The following FARSA variants were observed in gnomAD, a reference collection of about 807,000 sequenced individuals.
FARSA encodes phenylalanine--tRNA ligase alpha subunit.
FARSA carries 37 observed loss-of-function variants against 63.2 expected under a neutral mutation model. The observed-to-expected ratio is 0.59, with a 90% CI of 0.45 to 0.77. The LOEUF (loss-of-function observed/expected upper bound fraction) is 0.77. Ranked by LOEUF, FARSA falls within the 30% of genes least tolerant of loss-of-function variation. The pLI is 0.00. For missense variants in FARSA, 618 were observed against 696.6 expected (o/e 0.89, Z 1.27); for synonymous variants, 312 against 285.1 (o/e 1.09, Z -0.95).
At position 12,928,743 on chromosome 19, in the gene FARSA, GT is replaced by G; in HGVS notation, c.596+11del. ...AGCTCCCACCTGCCCTGACCCTGGG[GT>G]TGCCTGCTACCTGGAGATCATCTCT... On this transcript the variant is annotated intron_variant, in intron 5 of 12. Coordinates refer to ENST00000314606, the MANE Select transcript of FARSA (RefSeq NM_004461.3). The G allele has an allele frequency of 6.2e-7, 1 of 1,614,158 alleles. No homozygotes were observed. The highest frequency in any genetic ancestry group is 1.1e-5 in the South Asian group (1 of 91,088).
Position 12,924,882 on chromosome 19 carries a change from C to G in FARSA, c.1026+22G>C, listed in dbSNP as rs543097283. 6.2e-7 allele frequency: 1 copy of G among 1,613,908 alleles called. No homozygotes were observed. The highest frequency in any genetic ancestry group is 1.7e-5 in the Admixed American group (1 of 60,024). On this transcript the variant is annotated intron_variant, in intron 9 of 12. Transcript: ENST00000314606. This position sits in a 1 kb window ranked among gnomAD's most constrained non-coding sequence, Gnocchi z 6.4. ...TGACAGCACCCTCTCCCCACTGGGG[C>G]CCCCGCCTGGGCCAACCGCACCTTC...
Position 12,924,623 on chromosome 19 carries a change from C to G in FARSA, c.1195+16G>C. 1 of 1,608,940 alleles carries G rather than the reference C, an allele frequency of 6.2e-7. No homozygotes were observed. The highest frequency in any genetic ancestry group is 8.5e-7 in the Non-Finnish European group (1 of 1,177,064). Reference sequence around the variant, plus strand: ...GCTGCCTCACCACCATGGCCCACCCCTGCCCCCCTGCTCACCCAGCTTGGT... The same window carrying G: ...GCTGCCTCACCACCATGGCCCACCCGTGCCCCCCTGCTCACCCAGCTTGGT... On this transcript the variant is annotated intron_variant, in intron 10 of 12. Coordinates refer to ENST00000314606, the MANE Select transcript of FARSA (RefSeq NM_004461.3). This position sits in a 1 kb window ranked among gnomAD's most constrained non-coding sequence, Gnocchi z 6.4.
intron 4 of FARSA, 31 bp from the exon 5 acceptor site, chr19:12,928,878 T>A: frequency 6.3e-7 from 1 of 1,594,460 alleles, no homozygotes; most frequent in Non-Finnish European, 8.6e-7. Context: ...GGGACGCCAC[T>A]GCCATCTCCT....
chr19:12,925,992 G>A (rs1433350020), intron 7 of FARSA, among the ~76,000 whole-genome samples: 4 of 144,816 alleles, frequency 2.8e-5, no homozygotes, highest in South Asian at 2.2e-4. Context: ...TTTTTGAGAC[G>A]GAGTCTCGCT....
At chr19:12,932,035 A>C (rs920032452) in intron 1 of FARSA, among the ~76,000 whole-genome samples, 1 of 129,762 alleles carries the variant, frequency 7.7e-6, no homozygotes, top group Non-Finnish European at 1.7e-5. Context: ...ACACTGCATA[A>C]ATTTTTTTTT....
chr19:12,928,452 G>A lies in FARSA; in HGVS notation c.731C>T (p.Thr244Ile). ...FRQIFLEMGF[T>I]EMPTDNFIES... Reference sequence around the variant, plus strand: ...AATGAAGTTATCAGTCGGCATCTCGGTGAACCTGGTGGGAGACACAGCCTG... The same window carrying A: ...AATGAAGTTATCAGTCGGCATCTCGATGAACCTGGTGGGAGACACAGCCTG... The change falls in exon 7 of 13, where the codon ACC (threonine) becomes ATC (isoleucine). Residue 244 changes from threonine (T) to isoleucine (I), a missense_variant. Thr to Ile is a moderately conservative substitution (Grantham distance 89). Coordinates refer to ENST00000314606, the MANE Select transcript of FARSA (RefSeq NM_004461.3). 6.2e-7 allele frequency: 1 copy of A among 1,614,108 alleles called. No individual in the cohort carries two copies. The highest frequency in any genetic ancestry group is 8.5e-7 in the Non-Finnish European group (1 of 1,179,990).
Position 12,922,981 on chromosome 19 carries a change from C to T in FARSA, c.1389-95G>A. 3 of 1,555,446 alleles carry T rather than the reference C, an allele frequency of 1.9e-6. No individual in the cohort carries two copies. The Admixed American group carries it at 5.1e-5, about 26-fold the overall frequency. On this transcript the variant is annotated intron_variant, in intron 12 of 12. Transcript: ENST00000314606. The stretch of plus-strand genomic sequence containing the variant: ...TCCCATCTTCTTCAGAGGAAAAGTT[C>T]AAGTTCTCCCCATGACCCACAGGGC...
rs201598580 is a variant in FARSA, at chr19:12,924,138, C to G, written c.1388+13G>C. ...GGCAGCTGGACACCCCGAGTTTCCA[C>G]TTGGGCACTTACCGCTCCAGGGAGA... On this transcript the variant is annotated intron_variant, in intron 12 of 12. Coordinates refer to ENST00000314606, the MANE Select transcript of FARSA (RefSeq NM_004461.3). The surrounding 1 kb of genome is among the most constrained non-coding windows in gnomAD (Gnocchi z 6.4). 1.2e-5 allele frequency: 19 copies of G among 1,610,150 alleles called. No homozygotes were observed. In the African/African-American group the frequency reaches 2.5e-4, roughly 21 times the overall value.
rs764916782 is a variant in FARSA at position 12,930,526 on chromosome 19, C to T, written c.287G>A (p.Arg96Gln). The change falls in exon 3 of 13, where the codon CGA becomes CAA. Residue 96 changes from arginine (R) to glutamine (Q), a missense_variant and splice_region_variant. Arg to Gln is a conservative substitution (Grantham distance 43, BLOSUM62 1). Transcript: ENST00000314606. ...PEGLAQSELM[R>Q]LPSGKVGFSK... ...GAAGCCCACTTTGCCACTGGGCAGT[C>T]GCTGGAAAAGAGAGGCTGCAGTGAG... 7 of 1,613,326 alleles carry T rather than the reference C, an allele frequency of 4.3e-6. No homozygotes were observed. In the South Asian group the frequency reaches 4.4e-5, roughly 10 times the overall value.
Position 12,928,403 on chromosome 19 carries a change from G to T in FARSA, c.780C>A (p.Asp260Glu), listed in dbSNP as rs143258144. Residue 260 changes from aspartate to glutamate, a missense_variant, in exon 7 of 13, where the codon GAC becomes GAA. Asp to Glu is a conservative substitution (Grantham distance 45). Transcript: ENST00000314606. ...NFIESSFWNFDALFQPQQHPA... is the reference protein window; with the variant it reads ...NFIESSFWNFEALFQPQQHPA... ...GGTGCTGCTGGGGCTGGAAGAGGGC[G>T]TCAAAGTTCCAGAAGGAGCTCTCAA... The T allele has an allele frequency of 1.9e-6, 3 of 1,614,020 alleles. No homozygotes were observed. The highest frequency in any genetic ancestry group is 2.5e-6 in the Non-Finnish European group (3 of 1,180,030).
In FARSA at chr19:12,922,927, G is replaced by A. The variant is rs147472504; in HGVS notation, c.1389-41C>T. The A allele has an allele frequency of 8.2e-5, 132 of 1,613,122 alleles. 1 individual carries two copies. The highest frequency in any genetic ancestry group is 8.0e-4 in the African/African-American group (60 of 74,998). On this transcript the variant is annotated intron_variant, in intron 12 of 12. Transcript: ENST00000314606. ...ACAGAGTTTATCATGAGGTCAGCAC[G>A]TGCACCCTTCTGCTCAGATTTCCAT...
chr19:12,922,869 T>C lies in FARSA; in HGVS notation c.1406A>G (p.Tyr469Cys), dbSNP rs767777027. ...LSLERPTMIKYGINNIRELVG... is the reference protein window; with the variant it reads ...LSLERPTMIKCGINNIRELVG... Reference sequence around the variant, plus strand: ...CAGCTCCCGGATATTGTTGATGCCATATTTGATCATCGTTGGGCTTGTGGG... The same window carrying C: ...CAGCTCCCGGATATTGTTGATGCCACATTTGATCATCGTTGGGCTTGTGGG... Residue 469 changes from tyrosine (Y) to cysteine (C), a missense_variant, in exon 13 of 13, where the codon TAT becomes TGT. Tyr to Cys is a radical substitution (Grantham distance 194). Coordinates refer to ENST00000314606, the MANE Select transcript of FARSA (RefSeq NM_004461.3). 6.0e-5 allele frequency: 97 copies of C among 1,613,992 alleles called. No homozygotes were observed. Among genetic ancestry groups the C allele is most frequent in the Non-Finnish European group, 7.9e-5 (93 of 1,180,032 alleles).
intron 7 of FARSA, among the ~76,000 whole-genome samples, chr19:12,925,626 G>A (rs1044307735): frequency 6.6e-6 from 1 of 151,998 alleles, no homozygotes; most frequent in Admixed American, 6.6e-5. Context: ...CCAGTGTTGG[G>A]ATTACAGGCA....
chr19:12,925,573 G>A (rs1265410927), intron 7 of FARSA, among the ~76,000 whole-genome samples: 4 of 151,782 alleles, frequency 2.6e-5, no homozygotes, highest in African/African-American at 9.7e-5. Context: ...GGTCAGGGTG[G>A]TCTCGAACTC....
rs1381552335 is a variant in FARSA, at chr19:12,933,690, C to G, written c.7G>C (p.Asp3His). MA[D>H]GQVAELLLRR... is the part of the protein sequence containing the mutation. ...AGCAGCAGTTCCGCCACCTGACCAT[C>G]CGCCATGACTCCTTCCAGTGTGCTC... The change falls in exon 1 of 13, where the codon GAT becomes CAT. Residue 3 changes from aspartate (D) to histidine (H), a missense_variant. Coordinates refer to ENST00000314606, the MANE Select transcript of FARSA (RefSeq NM_004461.3). 12 of 1,569,556 alleles carry G rather than the reference C, an allele frequency of 7.6e-6. No homozygotes were observed. In the East Asian group the frequency reaches 2.1e-4, roughly 28 times the overall value.
chr19:12,930,294 C>T lies in FARSA; in HGVS notation c.432G>A (p.Arg144=). Residue 144 remains arginine, a synonymous_variant, in exon 4 of 13, where the codon CGG becomes CGA. Coordinates refer to ENST00000314606, the MANE Select transcript of FARSA (RefSeq NM_004461.3). ...DEVQRRLQLV[R]GGQAEKLGEK... Reference sequence around the variant, plus strand: ...CCCCCAGCTTCTCAGCCTGTCCCCCCCGGACCAGCTGGAGCCGCCGCTGCA... The same window carrying T: ...CCCCCAGCTTCTCAGCCTGTCCCCCTCGGACCAGCTGGAGCCGCCGCTGCA... The T allele has an allele frequency of 6.2e-7, 1 of 1,614,142 alleles. No homozygotes were observed. Among genetic ancestry groups the T allele is most frequent in the African/African-American group, 1.3e-5 (1 of 75,060 alleles).
chr19:12,931,913 A>G (rs1455677406), intron 1 of FARSA, among the ~76,000 whole-genome samples: 2 of 152,166 alleles, frequency 1.3e-5, no homozygotes, highest in Non-Finnish European at 2.9e-5. Context: ...TTAACCTCTC[A>G]GTGACTCTTC....
intron 5 of FARSA, 30 bp from the exon 6 acceptor site, chr19:12,928,693 G>T (rs375552143): frequency 6.2e-7 from 1 of 1,613,486 alleles, no homozygotes; most frequent in Non-Finnish European, 8.5e-7. Context: ...CCTGGTAAGG[G>T]CTGCCCGCCC....
Position 12,933,615 on chromosome 19 carries a change from C to A in FARSA, c.82G>T (p.Ala28Ser), listed in dbSNP as rs557983177. Residue 28 changes from alanine to serine, a missense_variant, in exon 1 of 13, where the codon GCT becomes TCT. Ala to Ser is a moderately conservative substitution (Grantham distance 99). Transcript: ENST00000314606. The part of the protein sequence containing the change: ...DGGLDSAELA[A>S]ELGMEHQAVV... ...GCCTGGTGCTCCATGCCCAGCTCAG[C>A]CGCCAACTCGGCGCTGTCCAGGCCG... 45 of 1,557,524 alleles carry A rather than the reference C, an allele frequency of 2.9e-5. No homozygotes were observed. The African/African-American group carries it at 5.0e-4, about 17-fold the overall frequency.
Sources: gnomAD v4.1 joint callset for allele counts (sites outside exome capture counted in the v4.1 genomes callset) on GRCh38, gnomAD v4.1.1 for gene constraint, Gnocchi (gnomAD v3.1) non-coding constraint, MANE v1.5 for transcripts, NCBI Gene and HGNC (gene_info 2026-07-23, HGNC 2026-07-21) for gene names.